HVCN1: variants seen among roughly 807,000 people sequenced by gnomAD.
The protein encoded by HVCN1 is hydrogen voltage gated channel 1.
A neutral mutation model predicts 29.2 loss-of-function variants in HVCN1; 14 were observed. The ratio of observed to expected loss-of-function variants is 0.48; its 90% confidence interval spans 0.32 to 0.75. HVCN1 has a LOEUF of 0.75. HVCN1 is among the 30% of genes least tolerant of loss of function. HVCN1 has a pLI of 0.04. For synonymous variants in HVCN1, 131 were observed against 133.2 expected (o/e 0.98, Z 0.11); for missense variants, 263 against 341.8 (o/e 0.77, Z 1.82).
At chr12:110,654,966 C>T (rs1043928493) in intron 5 of HVCN1, among the ~76,000 whole-genome samples, 2 of 152,096 alleles carry the variant, frequency 1.3e-5, no homozygotes, top group African/African-American at 4.8e-5. Flanking sequence ...CCCCTCCTGA[C>T]CCAGAGATGG....
chr12:110,672,188 C>G (rs946537234), intron 3 of HVCN1, among the ~76,000 whole-genome samples: 1 of 152,146 alleles, frequency 6.6e-6, no homozygotes. Context: ...GGCTGGAGTG[C>G]AGCCGCAAAC....
chr12:110,656,386 G>C (rs2067990985), intron 4 of HVCN1, among the ~76,000 whole-genome samples: 1 of 152,176 alleles, frequency 6.6e-6, no homozygotes, highest in African/African-American at 2.4e-5. Context: ...GATGGTGGCT[G>C]TGGGAAGCAG....
chr12:110,697,636 C>G (rs2069513060), intron 2 of HVCN1, among the ~76,000 whole-genome samples: 1 of 151,048 alleles, frequency 6.6e-6, no homozygotes, highest in African/African-American at 2.4e-5. Flanking sequence ...ATGCCACTCA[C>G]AGCGCGAAGC....
intron 3 of HVCN1, among the ~76,000 whole-genome samples, chr12:110,681,778 T>C (rs999005767): frequency 4.6e-5 from 7 of 152,172 alleles, no homozygotes; most frequent in Admixed American, 4.6e-4. Context: ...CAGCTTGGCC[T>C]GGCTAGGCCC....
intron 5 of HVCN1, among the ~76,000 whole-genome samples, chr12:110,653,457 T>G (rs2067880315): frequency 6.7e-6 from 1 of 149,218 alleles, no homozygotes; most frequent in Non-Finnish European, 1.5e-5. Flanking sequence ...AGACTCTGTC[T>G]CAAGTAAAAA....
At position 110,649,270 on chromosome 12, in the gene HVCN1, C is replaced by G. The variant is rs1262683421; in HGVS notation, c.*140G>C. On this transcript the variant is annotated 3_prime_UTR_variant, in exon 8 of 8. Coordinates refer to ENST00000242607, the MANE Select transcript of HVCN1 (RefSeq NM_032369.4). Reference sequence around the variant, plus strand: ...GACCTTCCACAAGGCTGTGTCCACCCAGAATCCATGCTGGCAGGAGGGAGG... The same window carrying G: ...GACCTTCCACAAGGCTGTGTCCACCGAGAATCCATGCTGGCAGGAGGGAGG... 2 of 710,916 alleles carry G rather than the reference C, an allele frequency of 2.8e-6. No homozygotes were observed. Among genetic ancestry groups the G allele is most frequent in the Non-Finnish European group, 5.1e-6 (2 of 393,608 alleles). 44.0% of individuals were successfully genotyped at this position (710,916 alleles called of 1,614,324 possible). A position where few individuals can be genotyped will look rare whatever the true frequency, so the allele number is the denominator to read the frequency against.
intron 2 of HVCN1, among the ~76,000 whole-genome samples, chr12:110,695,831 G>A (rs988845145): frequency 6.6e-5 from 10 of 152,368 alleles, no homozygotes; most frequent in African/African-American, 2.4e-4. Context: ...ATGCACAGAG[G>A]AGGGTGAAGA....
Position 110,649,303 on chromosome 12 carries a change from A to G in HVCN1, c.*107T>C. 1.2e-6 allele frequency: 1 copy of G among 854,380 alleles called. No homozygotes were observed. The highest frequency in any genetic ancestry group is 2.0e-5 in the Admixed American group (1 of 49,320). The allele number at this position is 854,380 out of a possible 1,614,324, so 52.9% of individuals were successfully genotyped here. A position where few individuals can be genotyped will look rare whatever the true frequency, so the allele number is the denominator to read the frequency against. On this transcript the variant is annotated 3_prime_UTR_variant, in exon 8 of 8. Coordinates refer to ENST00000242607, the MANE Select transcript of HVCN1 (RefSeq NM_032369.4). ...ATGCTGGCAGGAGGGAGGCAGAGGT[A>G]TCAAACCAAACCTCTCACCAAGCGG...
At position 110,700,343 on chromosome 12, in the gene HVCN1, C is replaced by G. The variant is rs556933669; in HGVS notation, c.-104+1966G>C. ...CTCCAATGGGACTTAAACTCTGAAT[C>G]ACACAGAGGACAGCAAAATCGCAGG... On this transcript the variant is annotated intron_variant, in intron 2 of 4. Coordinates refer to the HVCN1 transcript ENST00000546713. Among the ~76,000 whole-genome samples, 3 of 152,280 alleles carry G rather than the reference C, an allele frequency of 2.0e-5. No homozygotes were observed. The East Asian group carries it at 5.8e-4, about 29-fold the overall frequency.
chr12:110,684,259 A>C (rs1381047300), intron 2 of HVCN1, among the ~76,000 whole-genome samples: 1 of 151,602 alleles, frequency 6.6e-6, no homozygotes, highest in Admixed American at 6.6e-5. Context: ...AAAACAGTGA[A>C]AATGTTCTGA....
intron 2 of HVCN1, among the ~76,000 whole-genome samples, chr12:110,686,760 A>T (rs1175022023): frequency 2.0e-5 from 3 of 152,204 alleles, no homozygotes; most frequent in Non-Finnish European, 2.9e-5. Context: ...CCTGGGGATG[A>T]TTTTTCTAAA....
upstream of HVCN1, among the ~76,000 whole-genome samples, chr12:110,691,992 G>A (rs2069414241): frequency 6.6e-6 from 1 of 152,220 alleles, no homozygotes; most frequent in Non-Finnish European, 1.5e-5. Flanking sequence ...TCTCAGCATT[G>A]TCGTGTTTAC....
chr12:110,654,839 A>G (rs2067935232), intron 5 of HVCN1, among the ~76,000 whole-genome samples: 1 of 151,990 alleles, frequency 6.6e-6, no homozygotes, highest in African/African-American at 2.4e-5. Flanking sequence ...TATGTCCACC[A>G]CCCTTTGGGT....
intron 3 of HVCN1, among the ~76,000 whole-genome samples, chr12:110,679,621 A>AG (rs2068873327): frequency 1.3e-5 from 2 of 152,286 alleles, no homozygotes; most frequent in East Asian, 3.9e-4. Flanking sequence ...TGGGAGGCCG[A>AG]GGCGGGTGGA....
At chr12:110,692,664 C>T (rs753177165), upstream of HVCN1, among the ~76,000 whole-genome samples, 18 of 152,048 alleles carry the variant, frequency 1.2e-4, no homozygotes, top group Non-Finnish European at 2.2e-4. Context: ...TTCGAGGCTG[C>T]AGTGAGCTAC....
chr12:110,667,593 C>A (rs1218483357), intron 3 of HVCN1, among the ~76,000 whole-genome samples: 3 of 151,960 alleles, frequency 2.0e-5, no homozygotes, highest in African/African-American at 4.8e-5. Context: ...TCACGCTCAG[C>A]TAATTTTTTG....
At chr12:110,690,106 G>GT (rs1407854189), upstream of HVCN1, among the ~76,000 whole-genome samples, 1 of 152,224 alleles carries the variant, frequency 6.6e-6, no homozygotes, top group Non-Finnish European at 1.5e-5. Context: ...GAATCAAGGT[G>GT]TGGGTGGGGC....
Position 110,649,485 on chromosome 12 carries a change from AAGCAGACAAACACTGGAATTTACTTT to A in HVCN1, c.757-36_757-11del. ...TTTCAATTTCTTGTTCCTATTGCAA[AAGCAGACAAACACTGGAATTTACTTT>A]GAGCCTCGCCAGGGATGTGACAATC... On this transcript the variant is annotated splice_polypyrimidine_tract_variant and intron_variant, in intron 7 of 7. Coordinates refer to ENST00000242607, the MANE Select transcript of HVCN1 (RefSeq NM_032369.4). 1 of 1,593,068 alleles carries A rather than the reference AAGCAGACAAACACTGGAATTTACTTT, an allele frequency of 6.3e-7. No homozygotes were observed. The highest frequency in any genetic ancestry group is 1.1e-5 in the South Asian group (1 of 88,956).
chr12:110,658,730 C>T lies in HVCN1; in HGVS notation c.306+2434G>A, dbSNP rs1414619830. Among the ~76,000 whole-genome samples, 2 of 152,166 alleles carry T rather than the reference C, an allele frequency of 1.3e-5. No individual in the cohort carries two copies. The highest frequency in any genetic ancestry group is 1.5e-5 in the Non-Finnish European group (1 of 68,032). The stretch of plus-strand genomic sequence containing the variant: ...CAATGTGTGTCTCAGTGATGGCTCC[C>T]GTCATTCCTGCCTTTCTGCAGCCTG... On this transcript the variant is annotated intron_variant, in intron 4 of 7. Transcript: ENST00000242607. The surrounding 1 kb of genome is among the most constrained non-coding windows in gnomAD (Gnocchi z 5.0).
Sources: allele counts gnomAD v4.1 joint callset (sites outside exome capture counted in the v4.1 genomes callset), GRCh38; gene constraint gnomAD v4.1.1; non-coding constraint Gnocchi (gnomAD v3.1); transcripts MANE v1.5; gene names NCBI Gene and HGNC (gene_info 2026-07-23, HGNC 2026-07-21).